RHBDD1: variants seen among roughly 807,000 people sequenced by gnomAD.
RHBDD1 encodes the protein rhomboid-related protein 4.
A neutral mutation model predicts 36.3 loss-of-function variants in RHBDD1; 38 were observed. The ratio of observed to expected loss-of-function variants is 1.05; its 90% CI spans 0.81 to 1.37. The LOEUF (loss-of-function observed/expected upper bound fraction) is 1.37, where lower values mean the gene tolerates loss of function less well. Ranked by LOEUF, RHBDD1 falls within the 40% of genes most tolerant of loss-of-function variation. RHBDD1 has a pLI of 0.00. For synonymous variants in RHBDD1, 151 were observed against 136.5 expected (o/e 1.11, Z -0.74); for missense variants, 393 against 377.6 (o/e 1.04, Z -0.34).
At chr2:226,991,822 A>G (rs1348592336) in intron 8 of RHBDD1, among the ~76,000 whole-genome samples, 1 of 152,200 alleles carries the variant, frequency 6.6e-6, no homozygotes, top group African/African-American at 2.4e-5. Context: ...AGGACCCTGG[A>G]AGTCCCCTTT....
intron 8 of RHBDD1, among the ~76,000 whole-genome samples, chr2:226,986,721 C>G (rs1323451269): frequency 1.3e-5 from 2 of 152,350 alleles, no homozygotes; most frequent in East Asian, 3.9e-4. Context: ...AATGCTTGTA[C>G]ACTGTTGGTG....
chr2:226,914,960 G>A (rs62191056), intron 8 of RHBDD1, among the ~76,000 whole-genome samples: 7,037 of 152,146 alleles, frequency 0.046, 249 homozygotes, highest in East Asian at 0.14. Flanking sequence ...TTTGAGTAGC[G>A]ACTAAAAATC....
chr2:226,960,113 G>A (rs887976585), intron 8 of RHBDD1, among the ~76,000 whole-genome samples: 4 of 152,084 alleles, frequency 2.6e-5, no homozygotes, highest in Non-Finnish European at 4.4e-5. Flanking sequence ...ATGAGCCACC[G>A]TGCCCGGCCA....
chr2:226,977,663 GA>G (rs1274816224), intron 8 of RHBDD1, among the ~76,000 whole-genome samples: 2 of 152,152 alleles, frequency 1.3e-5, no homozygotes, highest in African/African-American at 4.8e-5. Flanking sequence ...TAAAAGTAAG[GA>G]AAAGTTCTGA....
At chr2:226,803,755 A>G in the RHBDD1 span, among the ~76,000 whole-genome samples, 1 of 152,208 alleles carries the variant, frequency 6.6e-6, no homozygotes, top group Non-Finnish European at 1.5e-5. Flanking sequence ...TTGTTTTCTC[A>G]TGTAATTAAA....
chr2:226,970,373 A>ATT (rs1198541303), intron 8 of RHBDD1, among the ~76,000 whole-genome samples: 1 of 151,960 alleles, frequency 6.6e-6, no homozygotes, highest in African/African-American at 2.4e-5. Context: ...AAATGGTTTC[A>ATT]TTTTTTACTA....
intron 5 of RHBDD1, among the ~76,000 whole-genome samples, chr2:226,894,635 A>G (rs1246353920): frequency 6.6e-6 from 1 of 152,070 alleles, no homozygotes. Context: ...TATTATGTTG[A>G]CTTGTGATTG....
chr2:226,887,040 A>C (rs1946280177), intron 5 of RHBDD1, among the ~76,000 whole-genome samples: 1 of 151,900 alleles, frequency 6.6e-6, no homozygotes, highest in Non-Finnish European at 1.5e-5. Context: ...AGAAAATTAG[A>C]AAAAATACTT....
chr2:226,859,994 AAAG>A (rs1475070669), intron 3 of RHBDD1, among the ~76,000 whole-genome samples: 1 of 148,164 alleles, frequency 6.7e-6, no homozygotes, highest in Non-Finnish European at 1.5e-5. Flanking sequence ...CTAGAGCTAG[AAAG>A]AAGTAGATTG....
intron 3 of RHBDD1, among the ~76,000 whole-genome samples, chr2:226,852,735 C>A (rs1942938330): frequency 6.6e-6 from 1 of 151,956 alleles, no homozygotes; most frequent in Non-Finnish European, 1.5e-5. Context: ...TCTACCTTGT[C>A]TCTTTTAGTA....
At chr2:226,934,818 C>G (rs908829520) in intron 8 of RHBDD1, among the ~76,000 whole-genome samples, 1 of 151,846 alleles carries the variant, frequency 6.6e-6, no homozygotes, top group Non-Finnish European at 1.5e-5. Flanking sequence ...TTTTTTCTCC[C>G]CCAACCCCAC....
At chr2:226,928,144 T>C (rs1305285222) in intron 8 of RHBDD1, among the ~76,000 whole-genome samples, 1 of 152,078 alleles carries the variant, frequency 6.6e-6, no homozygotes, top group African/African-American at 2.4e-5. Context: ...CCAAAGTTTG[T>C]TTTTTGCTTG....
chr2:226,977,741 C>A (rs1395767510), intron 8 of RHBDD1, among the ~76,000 whole-genome samples: 1 of 152,208 alleles, frequency 6.6e-6, no homozygotes, highest in Non-Finnish European at 1.5e-5. Context: ...GTCTTCATTG[C>A]TAATTGAAGA....
At chr2:226,844,665 G>A (rs1235220185) in intron 3 of RHBDD1, among the ~76,000 whole-genome samples, 1 of 152,192 alleles carries the variant, frequency 6.6e-6, no homozygotes, top group African/African-American at 2.4e-5. Context: ...TTGAAGGAGC[G>A]ATCATGGGAC....
chr2:226,897,333 TGTCTGTCC>T (rs1215282748), intron 5 of RHBDD1, among the ~76,000 whole-genome samples: 2 of 151,498 alleles, frequency 1.3e-5, no homozygotes, highest in Non-Finnish European at 2.9e-5. Context: ...TCTGTCTGTC[TGTCTGTCC>T]ATCTGTCTCC....
chr2:226,977,994 T>C (rs1165419677), intron 8 of RHBDD1, among the ~76,000 whole-genome samples: 1 of 152,256 alleles, frequency 6.6e-6, no homozygotes, highest in Non-Finnish European at 1.5e-5. Context: ...TATTTAAAGC[T>C]ATAAATGACT....
intron 3 of RHBDD1, among the ~76,000 whole-genome samples, chr2:226,860,340 C>T (rs1943735173): frequency 6.6e-6 from 1 of 152,086 alleles, no homozygotes; most frequent in African/African-American, 2.4e-5. Context: ...TAAACCATTT[C>T]CAAAACCCAA....
At chr2:226,838,458 G>A (rs1941243634) in intron 2 of RHBDD1, among the ~76,000 whole-genome samples, 1 of 152,152 alleles carries the variant, frequency 6.6e-6, no homozygotes, top group Admixed American at 6.5e-5. Flanking sequence ...CTTAGTGATT[G>A]TGTACATTAG....
the RHBDD1 span, among the ~76,000 whole-genome samples, chr2:226,806,935 A>T: frequency 7.9e-5 from 12 of 152,368 alleles, no homozygotes; most frequent in African/African-American, 2.9e-4. Context: ...GGAAATTCAC[A>T]ATGCTTCCAA....
Sources: gnomAD v4.1 joint callset for allele counts (sites outside exome capture counted in the v4.1 genomes callset) on GRCh38, gnomAD v4.1.1 for gene constraint, MANE v1.5 for transcripts, NCBI Gene and HGNC (gene_info 2026-07-23, HGNC 2026-07-21) for gene names.